KCTD9: variants seen among roughly 807,000 people sequenced by gnomAD.
The protein encoded by KCTD9 is BTB/POZ domain-containing protein KCTD9.
Under a neutral mutation model 53.3 loss-of-function variants are expected in KCTD9, and 17 were observed. That is an observed-to-expected ratio of 0.32 (90% confidence interval 0.22 to 0.48). The LOEUF is 0.48. Ranked by LOEUF, KCTD9 falls within the 20% of genes least tolerant of loss-of-function variation. The pLI, the probability that KCTD9 is intolerant of heterozygous loss-of-function variation, is 0.99. For missense variants in KCTD9, 179 were observed against 465.5 expected (o/e 0.38, Z 5.66); for synonymous variants, 128 against 162.7 (o/e 0.79, Z 1.62).
intron 11 of KCTD9, among the ~76,000 whole-genome samples, chr8:25,430,732 C>T (rs942136333): frequency 6.6e-6 from 1 of 152,002 alleles, no homozygotes; most frequent in Non-Finnish European, 1.5e-5. Flanking sequence ...TATTTTCTTC[C>T]ACAAAACCAG....
chr8:25,457,453 C>T (rs1586445486), intron 1 of KCTD9: 3 of 815,838 alleles, frequency 3.7e-6, no homozygotes, highest in South Asian at 1.1e-4. Context: ...TGGCTTGCTC[C>T]AGCGCTGGAA....
intron 1 of KCTD9, chr8:25,457,252 G>T: frequency 2.2e-6 from 1 of 446,174 alleles, no homozygotes; most frequent in Non-Finnish European, 3.0e-6. Flanking sequence ...GAATGTGCAG[G>T]CAGCAGAGTA....
At chr8:25,447,878 G>A (rs1802244677) in intron 1 of KCTD9, among the ~76,000 whole-genome samples, 1 of 152,182 alleles carries the variant, frequency 6.6e-6, no homozygotes, top group Non-Finnish European at 1.5e-5. Context: ...TGTAATCCCA[G>A]CACTTTGAGA....
In KCTD9 at chr8:25,433,447, A is replaced by T; in HGVS notation, c.814-12T>A. On this transcript the variant is annotated splice_polypyrimidine_tract_variant and intron_variant, in intron 9 of 11. Transcript: ENST00000221200. ...TGGAGATTCGCACACTGCAAAGAAA[A>T]GAGAAAAGTCCTGGTTGTAAGGTTC... 6.6e-7 allele frequency: 1 copy of T among 1,511,290 alleles called. No individual in the cohort carries two copies. The highest frequency in any genetic ancestry group is 9.1e-7 in the Non-Finnish European group (1 of 1,101,086). The allele number at this position is 1,511,290 out of a possible 1,614,324, so 93.6% of individuals were successfully genotyped here.
At chr8:25,432,064 T>G (rs752143797) in intron 11 of KCTD9, among the ~76,000 whole-genome samples, 2 of 152,186 alleles carry the variant, frequency 1.3e-5, no homozygotes, top group Non-Finnish European at 2.9e-5. Context: ...CTATCAAGTC[T>G]GCTAGCTAAA....
rs564619719 is a variant in KCTD9 at position 25,440,064 on chromosome 8, T to G, written c.312-400A>C. ...ACTCAATATCTAAAAAGCATGTTTTTTTTTTTTTTTTTGAGAAGGAGTCTC... is the reference window on the plus strand; with the variant it reads ...ACTCAATATCTAAAAAGCATGTTTTGTTTTTTTTTTTTGAGAAGGAGTCTC... On this transcript the variant is annotated intron_variant, in intron 4 of 11. Transcript: ENST00000221200. Among the ~76,000 whole-genome samples, 20 of 150,622 alleles carry G rather than the reference T, an allele frequency of 1.3e-4. No individual in the cohort carries two copies. In the East Asian group the frequency reaches 3.7e-3, roughly 28 times the overall value.
chr8:25,458,316 C>G lies in KCTD9; in HGVS notation c.-70G>C. ...CTGGTCCTCCTCCCACCTTTTTCTC[C>G]TCCCGCCCTTCCCCTCCCTCCACCC... On this transcript the variant is annotated 5_prime_UTR_variant, in exon 1 of 12. Coordinates refer to ENST00000221200, the MANE Select transcript of KCTD9 (RefSeq NM_017634.4). 6.4e-7 allele frequency: 1 copy of G among 1,564,328 alleles called. No individual in the cohort carries two copies. Among genetic ancestry groups the G allele is most frequent in the Non-Finnish European group, 8.8e-7 (1 of 1,139,866 alleles).
chr8:25,451,682 A>G (rs1355974261), intron 1 of KCTD9: 1 of 152,216 alleles, frequency 6.6e-6, no homozygotes, highest in Non-Finnish European at 1.5e-5. Flanking sequence ...TGAGTTGGAG[A>G]GTAAATGGAA....
At chr8:25,458,113 C>T in intron 1 of KCTD9, 86 bp downstream of exon 1, 1 of 1,366,688 alleles carries the variant, frequency 7.3e-7, no homozygotes, top group Non-Finnish European at 1.0e-6. Flanking sequence ...CTCTACCCAA[C>T]TTCACCGCTG....
At chr8:25,430,808 TACACACACACACAC>T (rs139075991) in intron 11 of KCTD9, among the ~76,000 whole-genome samples, 13 of 145,580 alleles carry the variant, frequency 8.9e-5, no homozygotes, top group East Asian at 6.2e-4. Context: ...ACATAATAAA[TACACACACACACAC>T]ACACACACAC....
At chr8:25,448,379 T>G (rs561786122) in intron 1 of KCTD9, among the ~76,000 whole-genome samples, 1 of 152,106 alleles carries the variant, frequency 6.6e-6, no homozygotes, top group African/African-American at 2.4e-5. Context: ...TACCAAGGCA[T>G]AGATGGGAAT....
At chr8:25,431,091 A>G (rs1374605147) in intron 11 of KCTD9, among the ~76,000 whole-genome samples, 3 of 152,076 alleles carry the variant, frequency 2.0e-5, no homozygotes, top group African/African-American at 4.8e-5. Flanking sequence ...TTGGCCTCCC[A>G]AAATGCTGGG....
At chr8:25,457,782 T>C (rs1001458845) in intron 1 of KCTD9, 12 of 158,512 alleles carry the variant, frequency 7.6e-5, no homozygotes, top group Non-Finnish European at 1.5e-4. Context: ...GCCGCCACTT[T>C]CCGAGCAGAT....
In KCTD9 at chr8:25,452,810, A is replaced by G. The variant is rs555858596; in HGVS notation, c.48+5389T>C. Among the ~76,000 whole-genome samples, 7 of 152,368 alleles carry G rather than the reference A, an allele frequency of 4.6e-5. No homozygotes were observed. The South Asian group carries it at 1.4e-3, about 32-fold the overall frequency. The stretch of plus-strand genomic sequence containing the variant: ...ATAACATGTACTTTAATAAAGCAGT[A>G]AAAATGAATAAATTATCACTATGTC... On this transcript the variant is annotated intron_variant, in intron 1 of 11. Coordinates refer to ENST00000221200, the MANE Select transcript of KCTD9 (RefSeq NM_017634.4).
intron 6 of KCTD9, among the ~76,000 whole-genome samples, chr8:25,436,804 AT>A (rs1209966216): frequency 6.6e-6 from 1 of 151,804 alleles, no homozygotes; most frequent in Non-Finnish European, 1.5e-5. Flanking sequence ...GTAAAAAAAA[AT>A]GTACATCCTT....
At position 25,454,387 on chromosome 8, in the gene KCTD9, T is replaced by C. The variant is rs554060649; in HGVS notation, c.48+3812A>G. Among the ~76,000 whole-genome samples the C allele has an allele frequency of 2.6e-5, 4 of 152,308 alleles. No individual in the cohort carries two copies. In the South Asian group the frequency reaches 8.3e-4, roughly 32 times the overall value. ...TGAATTAATCAGTATACAAAAGGCC[T>C]AGGACTTGCACAGCTCATTATTGAA... is the stretch of plus-strand genomic sequence containing the variant. On this transcript the variant is annotated intron_variant, in intron 1 of 11. Transcript: ENST00000221200.
intron 9 of KCTD9, 56 bp from the exon 10 acceptor site, chr8:25,433,491 G>T: frequency 1.1e-6 from 1 of 906,760 alleles, no homozygotes; most frequent in Non-Finnish European, 1.6e-6. Context: ...GTTCAAATTA[G>T]CTCAAACAGT....
intron 1 of KCTD9, among the ~76,000 whole-genome samples, chr8:25,455,754 A>T (rs1430674497): frequency 6.6e-6 from 1 of 152,202 alleles, no homozygotes; most frequent in Non-Finnish European, 1.5e-5. Flanking sequence ...TGTGAAGAAG[A>T]CACTATTAAC....
At chr8:25,453,957 G>A (rs763791109) in intron 1 of KCTD9, among the ~76,000 whole-genome samples, 1 of 152,204 alleles carries the variant, frequency 6.6e-6, no homozygotes, top group Admixed American at 6.5e-5. Flanking sequence ...CAGAGGCAGA[G>A]GTTCAGATAA....
Sources: allele counts gnomAD v4.1 joint callset (sites outside exome capture counted in the v4.1 genomes callset), GRCh38; gene constraint gnomAD v4.1.1; transcripts MANE v1.5; gene names NCBI Gene and HGNC (gene_info 2026-07-23, HGNC 2026-07-21).